TRIM8: variants seen among roughly 807,000 people sequenced by gnomAD.
TRIM8 encodes E3 ubiquitin-protein ligase TRIM8.
TRIM8 carries 9 observed loss-of-function variants against 55.7 expected under a neutral mutation model. The ratio of observed to expected loss-of-function variants is 0.16; its 90% CI spans 0.10 to 0.28. The LOEUF is 0.28. TRIM8 is among the 10% of genes least tolerant of loss of function. TRIM8 has a pLI of 1.00. For synonymous variants in TRIM8, 335 were observed against 333.3 expected (o/e 1.01, Z -0.06); for missense variants, 556 against 736.4 (o/e 0.76, Z 2.83).
chr10:102,646,586 A>G (rs1166526279), intron 1 of TRIM8, among the ~76,000 whole-genome samples: 4 of 152,092 alleles, frequency 2.6e-5, no homozygotes, highest in Non-Finnish European at 4.4e-5. Context: ...TTAGTTTCCA[A>G]TCGGATGGAC....
chr10:102,656,609 GT>G lies in TRIM8; in HGVS notation c.1049-137del. 2.2e-6 allele frequency: 3 copies of G among 1,388,908 alleles called. No homozygotes were observed. Among genetic ancestry groups the G allele is most frequent in the Non-Finnish European group, 2.9e-6 (3 of 1,028,790 alleles). 86.0% of individuals were successfully genotyped at this position (1,388,908 alleles called of 1,614,324 possible). A position where few individuals can be genotyped will look rare whatever the true frequency, so the allele number is the denominator to read the frequency against. ...TATAACTATTCTGTACCTCCTAATG[GT>G]AGAGGAGCAAGCATCACCTGAGATG... is the stretch of plus-strand genomic sequence containing the variant. On this transcript the variant is annotated intron_variant, in intron 5 of 5. Transcript: ENST00000643721. The surrounding 1 kb of genome is among the most constrained non-coding windows in gnomAD (Gnocchi z 4.6).
At chr10:102,653,018 C>T (rs551748300) in intron 1 of TRIM8, among the ~76,000 whole-genome samples, 4 of 152,234 alleles carry the variant, frequency 2.6e-5, no homozygotes, top group South Asian at 4.2e-4. Flanking sequence ...AGGCTGGTCT[C>T]GAACTCCCGA....
Position 102,656,215 on chromosome 10 carries a change from G to T in TRIM8, c.933-55G>T. On this transcript the variant is annotated intron_variant, in intron 4 of 5. Transcript: ENST00000643721. This position sits in a 1 kb window ranked among gnomAD's most constrained non-coding sequence, Gnocchi z 4.6. ...GGCCAGGCCCATGGCGGGGAGGTAGGGCGGGCTCACCGGTGATGCCTCCTC... is the reference window on the plus strand; with the variant it reads ...GGCCAGGCCCATGGCGGGGAGGTAGTGCGGGCTCACCGGTGATGCCTCCTC... 6.2e-7 allele frequency: 1 copy of T among 1,614,088 alleles called. No individual in the cohort carries two copies. Among genetic ancestry groups the T allele is most frequent in the Non-Finnish European group, 8.5e-7 (1 of 1,179,986 alleles).
chr10:102,649,972 GC>G, intron 1 of TRIM8, among the ~76,000 whole-genome samples: 1 of 152,032 alleles, frequency 6.6e-6, no homozygotes, highest in Non-Finnish European at 1.5e-5. Context: ...CAGAACTGGA[GC>G]TGGCCGGGCA....
chr10:102,657,236 C>G lies in TRIM8; in HGVS notation c.1538C>G (p.Pro513Arg). 6.2e-7 allele frequency: 1 copy of G among 1,614,066 alleles called. No individual in the cohort carries two copies. Among genetic ancestry groups the G allele is most frequent in the Middle Eastern group, 1.7e-4 (1 of 6,060 alleles). The change falls in exon 6 of 6, where the codon CCC (proline) becomes CGC (arginine). Residue 513 changes from proline to arginine, a missense_variant. Physicochemically the swap from Pro to Arg is moderately radical, Grantham distance 103 (BLOSUM62 -2). Transcript: ENST00000643721. ...SHPLPPTPSV[P>R]QSLPSLAVRD... ...CCGCTCCCGCCCACACCCTCCGTCC[C>G]CCAGTCCCTTCCCAGCCTGGCGGTC...
chr10:102,644,489 C>A lies in TRIM8; in HGVS notation c.-129C>A. Reference sequence around the variant, plus strand: ...GGGGGCGGGCACGCGGAAGGCGCTGCTGACTGAGCGACCGTCGGGGCCGGC... The same window carrying A: ...GGGGGCGGGCACGCGGAAGGCGCTGATGACTGAGCGACCGTCGGGGCCGGC... On this transcript the variant is annotated 5_prime_UTR_variant, in exon 1 of 6. It adds an upstream start codon to the 5' untranslated region. Coordinates refer to ENST00000643721, the MANE Select transcript of TRIM8 (RefSeq NM_030912.3). The A allele has an allele frequency of 1.2e-6, 1 of 842,638 alleles. No individual in the cohort carries two copies. The highest frequency in any genetic ancestry group is 1.7e-6 in the Non-Finnish European group (1 of 579,840). 52.2% of individuals were successfully genotyped at this position (842,638 alleles called of 1,614,324 possible).
rs565890839 is a variant in TRIM8 at position 102,657,474 on chromosome 10, C to T, written c.*120C>T. ...CCTCCCCTCTTCCTCATTCCATTGCCCCAGGTCTTTTCCTTTTGGATTTTG... is the reference window on the plus strand; with the variant it reads ...CCTCCCCTCTTCCTCATTCCATTGCTCCAGGTCTTTTCCTTTTGGATTTTG... On this transcript the variant is annotated 3_prime_UTR_variant, in exon 6 of 6. Transcript: ENST00000643721. The T allele has an allele frequency of 3.5e-4, 441 of 1,244,556 alleles. No homozygotes were observed. Among genetic ancestry groups the T allele is most frequent in the Non-Finnish European group, 4.5e-4 (416 of 920,122 alleles). 77.1% of individuals were successfully genotyped at this position (1,244,556 alleles called of 1,614,324 possible). A position where few individuals can be genotyped will look rare whatever the true frequency, so the allele number is the denominator to read the frequency against.
At chr10:102,645,377 G>A (rs1021075569) in intron 1 of TRIM8, 190 bp downstream of exon 1, 16 of 583,364 alleles carry the variant, frequency 2.7e-5, no homozygotes, top group Non-Finnish European at 4.3e-5. Flanking sequence ...TCGCTACTTG[G>A]TACATTCTCG....
intron 1 of TRIM8, among the ~76,000 whole-genome samples, chr10:102,653,149 T>G (rs1266130742): frequency 1.3e-5 from 2 of 152,220 alleles, no homozygotes; most frequent in East Asian, 3.8e-4. Flanking sequence ...ATATGACTAG[T>G]GGCTACCATA....
intron 1 of TRIM8, among the ~76,000 whole-genome samples, chr10:102,649,465 C>T (rs998302173): frequency 6.6e-5 from 10 of 152,216 alleles, no homozygotes; most frequent in Non-Finnish European, 1.5e-4. Flanking sequence ...CGGAGCAAGC[C>T]CGGCTTGGGC....
Position 102,656,114 on chromosome 10 carries a change from G to A in TRIM8, c.909G>A (p.Lys303=), listed in dbSNP as rs766568565. ...TTTTCTCTCCCCAACAGAACACCAA[G>A]TCTGTGAAAATCCTGATGGACAGGT... The part of the protein sequence containing the change: ...TEDVSFMKNT[K]SVKILMDRTQ... The change falls in exon 4 of 6, where the codon AAG becomes AAA. Residue 303 remains lysine (K), a synonymous_variant. Coordinates refer to ENST00000643721, the MANE Select transcript of TRIM8 (RefSeq NM_030912.3). This position sits in a 1 kb window ranked among gnomAD's most constrained non-coding sequence, Gnocchi z 4.6. 4 of 1,614,146 alleles carry A rather than the reference G, an allele frequency of 2.5e-6. No homozygotes were observed. Among genetic ancestry groups the A allele is most frequent in the South Asian group, 1.1e-5 (1 of 91,088 alleles).
In TRIM8 at chr10:102,656,321, G is replaced by C; in HGVS notation, c.984G>C (p.Leu328=). Residue 328 remains leucine (L), a synonymous_variant, in exon 5 of 6, where the codon CTG becomes CTC. Coordinates refer to ENST00000643721, the MANE Select transcript of TRIM8 (RefSeq NM_030912.3). The surrounding 1 kb of genome is among the most constrained non-coding windows in gnomAD (Gnocchi z 4.6). The part of the protein sequence containing the change: ...SSLSPTKIGH[L]NSKLFLNEVA... ...TTTCCCCCACTAAGATCGGCCACCT[G>C]AACTCCAAGCTCTTCCTGAACGAAG... 6.2e-7 allele frequency: 1 copy of C among 1,614,160 alleles called. No individual in the cohort carries two copies. The highest frequency in any genetic ancestry group is 8.5e-7 in the Non-Finnish European group (1 of 1,180,016).
rs1373708727 is a variant in TRIM8, at chr10:102,644,704, G to A, written c.87G>A (p.Pro29=). ...TTTTCGTGGAGCCAGTGCAGCTGCC[G>A]TGCAAACACAACTTCTGCCGGGGCT... The part of the protein sequence containing the change: ...LHVFVEPVQL[P]CKHNFCRGCI... The change falls in exon 1 of 6, where the codon CCG becomes CCA. Residue 29 remains proline (P), a synonymous_variant. Transcript: ENST00000643721. 4.3e-6 allele frequency: 7 copies of A among 1,613,466 alleles called. No individual in the cohort carries two copies. In the South Asian group the frequency reaches 7.7e-5, roughly 18 times the overall value.
intron 2 of TRIM8, 91 bp downstream of exon 2, chr10:102,654,839 C>G: frequency 2.8e-6 from 3 of 1,069,362 alleles, no homozygotes; most frequent in South Asian, 2.5e-5. Flanking sequence ...TTGTGTAGCC[C>G]TATGCCAGAA....
chr10:102,647,169 G>T (rs1227369977), intron 1 of TRIM8, among the ~76,000 whole-genome samples: 1 of 152,228 alleles, frequency 6.6e-6, no homozygotes, highest in African/African-American at 2.4e-5. Flanking sequence ...CTCATTTCCA[G>T]ACTCGTGGAT....
At position 102,656,050 on chromosome 10, in the gene TRIM8, C is replaced by G. The variant is rs560461246; in HGVS notation, c.901-56C>G. 2,354 of 1,587,108 alleles carry G rather than the reference C, an allele frequency of 1.5e-3. 41 individuals carry two copies. The African/African-American group carries it at 0.031, about 21-fold the overall frequency. ...GGCAGCTTTTGTCTTCCCCTCTCCC[C>G]GGGCTCTCCCTGGACTGCCTTTTCC... On this transcript the variant is annotated intron_variant, in intron 3 of 5. Transcript: ENST00000643721. The surrounding 1 kb of genome is among the most constrained non-coding windows in gnomAD (Gnocchi z 4.6).
rs371789796 is a variant in TRIM8, at chr10:102,657,343, G to C, written c.1645G>C (p.Val549Leu). 7.6e-6 allele frequency: 12 copies of C among 1,577,046 alleles called. No homozygotes were observed. Among genetic ancestry groups the C allele is most frequent in the Admixed American group, 7.2e-5 (4 of 55,724 alleles). The change falls in exon 6 of 6, where the codon GTG becomes CTG. Residue 549 changes from valine to leucine, a missense_variant. Around this residue, in one of 2 missense-constraint regions of TRIM8, gnomAD observed 391 missense variants for 441.0 expected, o/e 0.89. Coordinates refer to ENST00000643721, the MANE Select transcript of TRIM8 (RefSeq NM_030912.3). ...TGGGCAGCCGTCCACCAAACACTAC[G>C]TGACGAGCTAACGCCACGCAGGCGG... is the stretch of plus-strand genomic sequence containing the variant. The part of the protein sequence containing the change: ...VYGQPSTKHY[V>L]TS
In TRIM8 at chr10:102,655,017, G is replaced by C. The variant is rs554554210; in HGVS notation, c.667-63G>C. 4.5e-5 allele frequency: 71 copies of C among 1,565,476 alleles called. No homozygotes were observed. The Admixed American group carries it at 8.5e-4, about 19-fold the overall frequency. ...TTCTAGGATGTGAGAAGGGTAAGAG[G>C]GGGGGAAACCAAAGGTTTCCAGTGC... On this transcript the variant is annotated intron_variant, in intron 2 of 5. Transcript: ENST00000643721.
At chr10:102,648,654 G>A (rs911282068) in intron 1 of TRIM8, among the ~76,000 whole-genome samples, 1 of 152,234 alleles carries the variant, frequency 6.6e-6, no homozygotes, top group Non-Finnish European at 1.5e-5. Context: ...CTCTGAGTAC[G>A]CAGTGAGAGT....
Sources: allele counts gnomAD v4.1 joint callset (sites outside exome capture counted in the v4.1 genomes callset), GRCh38; gene constraint gnomAD v4.1.1; regional missense constraint gnomAD v4.1.1; non-coding constraint Gnocchi (gnomAD v3.1); transcripts MANE v1.5; gene names NCBI Gene and HGNC (gene_info 2026-07-23, HGNC 2026-07-21).